HECW1: variants seen among roughly 807,000 people sequenced by gnomAD.
HECW1 encodes the protein HECT, C2 and WW domain containing E3 ubiquitin protein ligase 1, also known as E3 ubiquitin-protein ligase HECW1.
HECW1 carries 61 observed loss-of-function variants against 182.3 expected under a neutral mutation model. The ratio of observed to expected loss-of-function variants is 0.33; its 90% CI spans 0.27 to 0.41. The LOEUF (loss-of-function observed/expected upper bound fraction) is 0.41. Among genes scored for constraint, HECW1 ranks in the 10% least tolerant of loss-of-function variants. The pLI is 1.00. For missense variants in HECW1, 1,739 were observed against 2,108.9 expected (o/e 0.82, Z 3.44); for synonymous variants, 859 against 832.6 (o/e 1.03, Z -0.55).
intron 2 of HECW1, among the ~76,000 whole-genome samples, chr7:43,184,248 C>T (rs374519088): frequency 1.3e-5 from 2 of 152,106 alleles, no homozygotes; most frequent in Non-Finnish European, 1.5e-5. Flanking sequence ...CTCCTGACCT[C>T]GTGATCCGCC....
rs149194810 is a variant in HECW1 at position 43,480,995 on chromosome 7, G to T, written c.3234+1251G>T. 1.8e-4 allele frequency among the ~76,000 whole-genome samples: 27 copies of T among 152,276 alleles called. No individual in the cohort carries two copies. The East Asian group carries it at 5.2e-3, about 29-fold the overall frequency. On this transcript the variant is annotated intron_variant, in intron 17 of 29. Transcript: ENST00000395891. ...TGGCTTAATGCCAGTGTGATAAAATGAATGTTTTTTCATGGAGTCGTCTTA... is the reference window on the plus strand; with the variant it reads ...TGGCTTAATGCCAGTGTGATAAAATTAATGTTTTTTCATGGAGTCGTCTTA...
intron 29 of HECW1, among the ~76,000 whole-genome samples, chr7:43,561,211 G>A (rs555779231): frequency 2.0e-4 from 30 of 152,212 alleles, no homozygotes; most frequent in Admixed American, 3.9e-4. Context: ...AACCCCGGGC[G>A]CCAGGACACT....
chr7:43,185,680 G>GT (rs1793330580), intron 2 of HECW1, among the ~76,000 whole-genome samples: 1 of 152,012 alleles, frequency 6.6e-6, no homozygotes, highest in South Asian at 2.1e-4. Flanking sequence ...TTTTGGCTTG[G>GT]TTTTTTTCTA....
rs1038380481 is a variant in HECW1 at position 43,523,469 on chromosome 7, G to T, written c.4019+14348G>T. Among the ~76,000 whole-genome samples the T allele has an allele frequency of 1.1e-4, 17 of 152,118 alleles. 1 individual carries two copies. Among genetic ancestry groups the T allele is most frequent in the Non-Finnish European group, 2.4e-4 (16 of 68,030 alleles). ...AGAGAGCAAAAAGTGGATGGAAGAAGAGCCCAGAGGAGGCAGGGAAAGACA... is the reference window on the plus strand; with the variant it reads ...AGAGAGCAAAAAGTGGATGGAAGAATAGCCCAGAGGAGGCAGGGAAAGACA... On this transcript the variant is annotated intron_variant, in intron 24 of 29. Coordinates refer to ENST00000395891, the MANE Select transcript of HECW1 (RefSeq NM_015052.5).
At chr7:43,373,316 T>G (rs1294339777) in intron 6 of HECW1, among the ~76,000 whole-genome samples, 1 of 151,500 alleles carries the variant, frequency 6.6e-6, no homozygotes, top group Non-Finnish European at 1.5e-5. Flanking sequence ...TTCAAGTGAT[T>G]CTCCTACCTG....
Position 43,442,592 on chromosome 7 carries a change from G to C in HECW1, c.1008G>C (p.Leu336=). ...CAACAGATCATGTGAGTGGACAGCT[G>C]CAATTCCGATTTGAGATCACTTCCT... ...RLPTDHVSGQ[L]QFRFEITSSI... Residue 336 remains leucine, a synonymous_variant, in exon 10 of 30, where the codon CTG becomes CTC. Coordinates refer to ENST00000395891, the MANE Select transcript of HECW1 (RefSeq NM_015052.5). 1 of 1,613,882 alleles carries C rather than the reference G, an allele frequency of 6.2e-7. No individual in the cohort carries two copies. Among genetic ancestry groups the C allele is most frequent in the Non-Finnish European group, 8.5e-7 (1 of 1,179,812 alleles).
chr7:43,274,600 C>G (rs993541940), intron 3 of HECW1: 2 of 415,080 alleles, frequency 4.8e-6, no homozygotes, highest in Non-Finnish European at 9.2e-6. Context: ...TTCCTCGCCC[C>G]GGGTGTGCCC....
chr7:43,430,742 G>C lies in HECW1; in HGVS notation c.802-7261G>C, dbSNP rs571527588. Among the ~76,000 whole-genome samples the C allele has an allele frequency of 6.8e-4, 82 of 120,404 alleles. 1 individual carries two copies. Among genetic ancestry groups the C allele is most frequent in the African/African-American group, 2.4e-3 (81 of 33,634 alleles). The allele number at this position is 120,404 out of a possible 152,430, so 79.0% of individuals were successfully genotyped here. On this transcript the variant is annotated intron_variant, in intron 8 of 29. Transcript: ENST00000395891. ...ACATGGTTATGGGCAGTTGGCTTTG[G>C]GGTATATCTAGACTGTGGCCTCCAT...
intron 17 of HECW1, among the ~76,000 whole-genome samples, chr7:43,490,097 G>A (rs191217831): frequency 3.4e-4 from 51 of 152,196 alleles, no homozygotes; most frequent in Non-Finnish European, 4.9e-4. Context: ...GAGTCATTAC[G>A]TAATGGATTG....
intron 10 of HECW1, among the ~76,000 whole-genome samples, chr7:43,443,119 T>G (rs2076941353): frequency 6.6e-6 from 1 of 152,228 alleles, no homozygotes; most frequent in African/African-American, 2.4e-5. Flanking sequence ...AACTCCAGAA[T>G]CATCCAGTGT....
At chr7:43,223,311 C>T (rs1470510020) in intron 2 of HECW1, among the ~76,000 whole-genome samples, 6 of 152,152 alleles carry the variant, frequency 3.9e-5, no homozygotes, top group Non-Finnish European at 7.3e-5. Flanking sequence ...TCAGTATATC[C>T]ACAGCCCATT....
intron 2 of HECW1, among the ~76,000 whole-genome samples, chr7:43,162,452 T>C (rs534041020): frequency 6.6e-6 from 1 of 152,344 alleles, no homozygotes; most frequent in South Asian, 2.1e-4. Context: ...CTGCCTCCTC[T>C]TCTCTCTGTC....
intron 5 of HECW1, 102 bp from the exon 6 acceptor site, chr7:43,360,784 G>A (rs1815772601): frequency 2.3e-6 from 2 of 851,426 alleles, no homozygotes; most frequent in Admixed American, 1.9e-5. Flanking sequence ...CTTGCTCGTG[G>A]GGGAATTATG....
chr7:43,184,885 G>A (rs1321560489), intron 2 of HECW1, among the ~76,000 whole-genome samples: 1 of 152,026 alleles, frequency 6.6e-6, no homozygotes, highest in Non-Finnish European at 1.5e-5. Flanking sequence ...TACATGGCTG[G>A]AGCAAGAGGA....
intron 5 of HECW1, among the ~76,000 whole-genome samples, chr7:43,339,259 T>C (rs868015505): frequency 1.3e-5 from 2 of 152,206 alleles, no homozygotes; most frequent in African/African-American, 4.8e-5. Context: ...GATCATTCCA[T>C]TGTGTCCCTC....
rs1022243886 is a variant in HECW1, at chr7:43,445,072, G to T, written c.1900G>T (p.Gly634Trp). The T allele has an allele frequency of 6.3e-7, 1 of 1,597,116 alleles. No individual in the cohort carries two copies. The highest frequency in any genetic ancestry group is 1.7e-5 in the Admixed American group (1 of 59,396). Residue 634 changes from glycine to tryptophan, a missense_variant, in exon 11 of 30, where the codon GGG (glycine) becomes TGG (tryptophan). Gly to Trp is a radical substitution (Grantham distance 184). This residue lies in a region of HECW1 where 971 missense variants were observed against 1,029.1 expected (regional missense o/e 0.94). Coordinates refer to ENST00000395891, the MANE Select transcript of HECW1 (RefSeq NM_015052.5). ...AGGCACGGCGCACCCTGGCCACTCC[G>T]GGGGCCACTTCCCCAGCCTGGCCAA... Reference protein sequence around the residue: ...TPGTAHPGHSGGHFPSLANGA... With the variant: ...TPGTAHPGHSWGHFPSLANGA...
At chr7:43,235,797 T>C (rs1171382806) in intron 2 of HECW1, among the ~76,000 whole-genome samples, 4 of 152,102 alleles carry the variant, frequency 2.6e-5, no homozygotes, top group African/African-American at 7.2e-5. Context: ...GGTGGCATTC[T>C]CCTACACACC....
intron 2 of HECW1, among the ~76,000 whole-genome samples, chr7:43,133,509 CTG>C (rs2152623433): frequency 6.6e-6 from 1 of 151,918 alleles, no homozygotes; most frequent in South Asian, 2.1e-4. Context: ...TCCTAGAAAA[CTG>C]TCTATTTTTC....
chr7:43,347,609 G>A (rs754488962), intron 5 of HECW1, among the ~76,000 whole-genome samples: 7 of 151,898 alleles, frequency 4.6e-5, no homozygotes, highest in East Asian at 1.9e-4. Flanking sequence ...TCCAGTTCTC[G>A]GAGGGACTGC....
Sources: allele counts gnomAD v4.1 joint callset (sites outside exome capture counted in the v4.1 genomes callset), GRCh38; gene constraint gnomAD v4.1.1; regional missense constraint gnomAD v4.1.1; transcripts MANE v1.5; gene names NCBI Gene and HGNC (gene_info 2026-07-23, HGNC 2026-07-21).